Variants in THSD4 observed in about 807,000 individuals in gnomAD.
The protein encoded by THSD4 is thrombospondin type 1 domain containing 4, also known as thrombospondin type-1 domain-containing protein 4.
THSD4 carries 69 observed loss-of-function variants against 119.0 expected under a neutral mutation model. The ratio of observed to expected loss-of-function variants is 0.58; its 90% confidence interval spans 0.48 to 0.71. THSD4 has a LOEUF of 0.71. Among genes scored for constraint, THSD4 ranks in the 30% least tolerant of loss-of-function variants. The pLI is 0.00. For synonymous variants in THSD4, 524 were observed against 540.4 expected (o/e 0.97, Z 0.42); for missense variants, 1,393 against 1,391.1 (o/e 1.00, Z -0.02).
At chr15:71,141,691 T>G in intron 2 of THSD4, 135 bp downstream of exon 2, 1 of 1,050,766 alleles carries the variant, frequency 9.5e-7, no homozygotes, top group East Asian at 2.6e-5. Context: ...TACGTCCACT[T>G]GTGTAAAAGT....
intron 7 of THSD4, among the ~76,000 whole-genome samples, chr15:71,591,005 C>CAAAAAAAAAAAAAAAAAAAAAAAAAAAAA (rs67271025): frequency 3.5e-5 from 2 of 57,508 alleles, no homozygotes; most frequent in East Asian, 5.8e-4. Flanking sequence ...GACTCCATCT[C>CAAAAAAAAAAAAAAAAAAAAAAAAAAAAA]AAAAAAAAAA....
chr15:71,643,578 T>C (rs2050908862), intron 7 of THSD4, among the ~76,000 whole-genome samples: 1 of 152,230 alleles, frequency 6.6e-6, no homozygotes, highest in Admixed American at 6.5e-5. Context: ...TTTCTGTTCC[T>C]GCATTAGTTT....
chr15:71,570,763 CCTT>C (rs1467690421), intron 7 of THSD4, among the ~76,000 whole-genome samples: 5 of 152,122 alleles, frequency 3.3e-5, no homozygotes, highest in South Asian at 2.1e-4. Flanking sequence ...TTGGGCGAGT[CCTT>C]CTTCTCCCTA....
intron 6 of THSD4, among the ~76,000 whole-genome samples, chr15:71,279,165 C>T (rs2044624166): frequency 1.3e-5 from 2 of 152,320 alleles, no homozygotes; most frequent in South Asian, 4.1e-4. Context: ...AGGACTCTTA[C>T]ATTCCAGTCA....
intron 7 of THSD4, among the ~76,000 whole-genome samples, chr15:71,604,833 A>T (rs201529703): frequency 3.9e-5 from 6 of 152,042 alleles, no homozygotes; most frequent in African/African-American, 1.4e-4. Flanking sequence ...AAAAACAAAA[A>T]AAAAACCTGT....
intron 6 of THSD4, among the ~76,000 whole-genome samples, chr15:71,361,184 C>G (rs1043672319): frequency 6.6e-6 from 1 of 152,130 alleles, no homozygotes; most frequent in Non-Finnish European, 1.5e-5. Flanking sequence ...AATGGGGAGC[C>G]ACTGAAGGAG....
At chr15:71,233,202 G>C (rs1486233354) in intron 4 of THSD4, among the ~76,000 whole-genome samples, 1 of 152,158 alleles carries the variant, frequency 6.6e-6, no homozygotes, top group Non-Finnish European at 1.5e-5. Flanking sequence ...TCTGGTCTTT[G>C]GGGCTTACAG....
At position 71,780,883 on chromosome 15, in the gene THSD4, T is replaced by A. The variant is rs1332989947; in HGVS notation, c.*3509T>A. On this transcript the variant is annotated 3_prime_UTR_variant, in exon 18 of 18. Transcript: ENST00000261862. Reference sequence around the variant, plus strand: ...AAGAGAAGACACGAGCTTGGTGTATTTTCATCAAGTTATGTGGCAGAGAAA... The same window carrying A: ...AAGAGAAGACACGAGCTTGGTGTATATTCATCAAGTTATGTGGCAGAGAAA... 2.3e-6 allele frequency: 1 copy of A among 437,638 alleles called. No homozygotes were observed. Among genetic ancestry groups the A allele is most frequent in the Non-Finnish European group, 4.6e-6 (1 of 219,570 alleles). 27.1% of individuals were successfully genotyped at this position (437,638 alleles called of 1,614,324 possible).
At chr15:71,607,696 A>G (rs908165188) in intron 7 of THSD4, among the ~76,000 whole-genome samples, 23 of 152,190 alleles carry the variant, frequency 1.5e-4, no homozygotes, top group Non-Finnish European at 7.3e-5. Context: ...TGGGGCACCT[A>G]TGATGTTTTC....
intron 6 of THSD4, among the ~76,000 whole-genome samples, chr15:71,307,689 A>T (rs2045049901): frequency 1.3e-5 from 2 of 152,090 alleles, no homozygotes; most frequent in Admixed American, 1.3e-4. Flanking sequence ...AATTGCTTGA[A>T]CCTGGGAGGT....
chr15:71,288,351 T>C (rs1438798890), intron 6 of THSD4, among the ~76,000 whole-genome samples: 1 of 152,190 alleles, frequency 6.6e-6, no homozygotes, highest in Admixed American at 6.5e-5. Context: ...GTGAATAAAC[T>C]ATTCTTTCAG....
Position 71,763,644 on chromosome 15 carries a change from TTCCAGTGA to T in THSD4, c.2590-1374_2590-1367del, listed in dbSNP as rs575747634. On this transcript the variant is annotated intron_variant, in intron 15 of 17. Coordinates refer to ENST00000261862, the MANE Select transcript of THSD4 (RefSeq NM_024817.3). ...CTCACTGCAACCTCTACCTCCCAGGTTCCAGTGATTATCTTGCCTCAGCCTCCTGACCC... is the reference window on the plus strand; with the variant it reads ...CTCACTGCAACCTCTACCTCCCAGGTTTATCTTGCCTCAGCCTCCTGACCC... 1.3e-4 allele frequency among the ~76,000 whole-genome samples: 19 copies of T among 151,876 alleles called. No homozygotes were observed. The East Asian group carries it at 3.5e-3, about 28-fold the overall frequency.
At chr15:71,171,797 T>C (rs991379140) in intron 3 of THSD4, among the ~76,000 whole-genome samples, 2 of 152,120 alleles carry the variant, frequency 1.3e-5, no homozygotes, top group Admixed American at 1.3e-4. Flanking sequence ...CTACAAAGCA[T>C]TGCTGAAAGA....
Position 71,420,165 on chromosome 15 carries a change from G to A in THSD4, c.1152+8342G>A, listed in dbSNP as rs2046793098. ...TTATATATCTGGGTACTCCAGTGTTGGGTGCATATATATTTACAGTTGTTA... is the reference window on the plus strand; with the variant it reads ...TTATATATCTGGGTACTCCAGTGTTAGGTGCATATATATTTACAGTTGTTA... On this transcript the variant is annotated intron_variant, in intron 7 of 17. Transcript: ENST00000261862. Among the ~76,000 whole-genome samples the A allele has an allele frequency of 1.9e-5, 2 of 107,222 alleles. 1 individual carries two copies. Among genetic ancestry groups the A allele is most frequent in the African/African-American group, 6.3e-5 (2 of 31,500 alleles). 70.3% of individuals were successfully genotyped at this position (107,222 alleles called of 152,430 possible). A position where few individuals can be genotyped will look rare whatever the true frequency, so the allele number is the denominator to read the frequency against.
intron 7 of THSD4, among the ~76,000 whole-genome samples, chr15:71,421,902 G>C (rs2140516893): frequency 6.6e-6 from 1 of 152,102 alleles, no homozygotes; most frequent in South Asian, 2.1e-4. Context: ...CAAATAACTT[G>C]TCTTCAGGCT....
intron 6 of THSD4, among the ~76,000 whole-genome samples, chr15:71,379,447 CTTCT>C (rs1733347725): frequency 3.5e-5 from 4 of 112,882 alleles, no homozygotes; most frequent in South Asian, 3.3e-4. Context: ...AAGCAAATGG[CTTCT>C]TTTTTTTTTT....
intron 6 of THSD4, among the ~76,000 whole-genome samples, chr15:71,398,536 C>A (rs894844997): frequency 6.6e-6 from 1 of 152,042 alleles, no homozygotes; most frequent in Non-Finnish European, 1.5e-5. Flanking sequence ...GGAGAACTCA[C>A]AATGAATAAA....
intron 8 of THSD4, among the ~76,000 whole-genome samples, chr15:71,669,959 A>G (rs1462631883): frequency 6.6e-5 from 10 of 152,268 alleles, no homozygotes; most frequent in Admixed American, 5.9e-4. Context: ...TCCAATATGT[A>G]TCAGTGACTG....
intron 7 of THSD4, among the ~76,000 whole-genome samples, chr15:71,533,879 A>C (rs908793326): frequency 1.1e-4 from 16 of 152,196 alleles, no homozygotes; most frequent in Non-Finnish European, 1.5e-5. Context: ...TTAGTAATGC[A>C]TATATTTTGA....
Sources: allele counts gnomAD v4.1 joint callset (sites outside exome capture counted in the v4.1 genomes callset), GRCh38; gene constraint gnomAD v4.1.1; transcripts MANE v1.5; gene names NCBI Gene and HGNC (gene_info 2026-07-23, HGNC 2026-07-21).